PKIB: variants seen among roughly 807,000 people sequenced by gnomAD.
PKIB encodes cAMP-dependent protein kinase inhibitor beta.
In PKIB, 2 loss-of-function variants were observed where a neutral mutation model predicts 4.5. The ratio of observed to expected loss-of-function variants is 0.44; its 90% confidence interval spans 0.18 to 1.39. The LOEUF (loss-of-function observed/expected upper bound fraction) is 1.39. PKIB is among the 40% of genes most tolerant of loss of function. The pLI is 0.27. For missense variants in PKIB, 94 were observed against 92.6 expected (o/e 1.02, Z -0.06); for synonymous variants, 38 against 36.0 (o/e 1.06, Z -0.20).
chr6:122,520,416 C>T (rs1776896243), intron 2 of PKIB, among the ~76,000 whole-genome samples: 1 of 152,154 alleles, frequency 6.6e-6, no homozygotes. Context: ...AGGGATTTAA[C>T]ACAATAAATC....
At chr6:122,708,104 C>A (rs940292672) in intron 3 of PKIB, among the ~76,000 whole-genome samples, 2 of 152,086 alleles carry the variant, frequency 1.3e-5, no homozygotes, top group African/African-American at 2.4e-5. Flanking sequence ...TGGAGCTTAC[C>A]TTCTAGTGAA....
chr6:122,601,254 C>T (rs1454138337), intron 3 of PKIB, among the ~76,000 whole-genome samples: 1 of 151,586 alleles, frequency 6.6e-6, no homozygotes, highest in African/African-American at 2.4e-5. Flanking sequence ...AAGAAATGAG[C>T]GAAATGTTTC....
chr6:122,677,669 C>T (rs1378344824), intron 3 of PKIB, among the ~76,000 whole-genome samples: 1 of 152,160 alleles, frequency 6.6e-6, no homozygotes, highest in African/African-American at 2.4e-5. Flanking sequence ...GTTCAAACCC[C>T]TTATTTTGCA....
chr6:122,647,094 A>T (rs1357783256), intron 2 of PKIB, among the ~76,000 whole-genome samples: 7 of 152,124 alleles, frequency 4.6e-5, no homozygotes, highest in African/African-American at 1.4e-4. Context: ...ACATTAAGAA[A>T]CTTATTGTGA....
At chr6:122,526,365 G>T (rs181752166) in intron 2 of PKIB, among the ~76,000 whole-genome samples, 32 of 152,108 alleles carry the variant, frequency 2.1e-4, no homozygotes, top group Non-Finnish European at 1.5e-5. Flanking sequence ...AATTTACTTT[G>T]CCCAGATCCA....
At chr6:122,494,798 G>A (rs772526110) in intron 2 of PKIB, among the ~76,000 whole-genome samples, 2 of 152,146 alleles carry the variant, frequency 1.3e-5, no homozygotes, top group African/African-American at 2.4e-5. Context: ...TGGAGCCAGC[G>A]GAAGCCTCCT....
intron 2 of PKIB, among the ~76,000 whole-genome samples, chr6:122,575,604 A>T (rs924398074): frequency 1.3e-5 from 2 of 152,200 alleles, no homozygotes; most frequent in African/African-American, 2.4e-5. Context: ...GGAATGAAAT[A>T]ATGACTTTTG....
At chr6:122,481,944 C>T (rs1016703153) in intron 2 of PKIB, 8 of 150,388 alleles carry the variant, frequency 5.3e-5, no homozygotes, top group African/African-American at 9.8e-5. Context: ...CATCACAGAA[C>T]ACAGCAGCAA....
intron 2 of PKIB, among the ~76,000 whole-genome samples, chr6:122,541,414 A>G (rs1361824768): frequency 1.3e-5 from 2 of 151,546 alleles, no homozygotes; most frequent in Admixed American, 6.6e-5. Flanking sequence ...CTTGTCTGTA[A>G]AGTATTTTAT....
intron 1 of PKIB, among the ~76,000 whole-genome samples, chr6:122,616,116 C>T (rs1429858636): frequency 6.6e-6 from 1 of 151,934 alleles, no homozygotes; most frequent in Non-Finnish European, 1.5e-5. Flanking sequence ...GATGAGATCT[C>T]CTATGGGAAG....
chr6:122,701,138 A>C (rs538269397), intron 3 of PKIB: 3 of 247,852 alleles, frequency 1.2e-5, no homozygotes, highest in Non-Finnish European at 2.3e-5. Context: ...ATAGCAGCTC[A>C]GGAAGCAGCA....
At chr6:122,516,439 C>G (rs1400926382) in intron 2 of PKIB, among the ~76,000 whole-genome samples, 2 of 152,208 alleles carry the variant, frequency 1.3e-5, no homozygotes, top group East Asian at 1.9e-4. Context: ...TGCTCAGTCA[C>G]TTGTTCGAGT....
chr6:122,568,735 A>G (rs1773267375), intron 2 of PKIB, among the ~76,000 whole-genome samples: 1 of 152,200 alleles, frequency 6.6e-6, no homozygotes, highest in Non-Finnish European at 1.5e-5. Context: ...ACCAGAACCC[A>G]GGGTTGGAAG....
intron 2 of PKIB, among the ~76,000 whole-genome samples, chr6:122,491,622 C>A (rs1315851092): frequency 1.3e-5 from 2 of 152,202 alleles, no homozygotes; most frequent in African/African-American, 2.4e-5. Context: ...TGAAAGATGT[C>A]TGCAGATAGC....
In PKIB at chr6:122,497,406, C is replaced by G. The variant is rs79342417; in HGVS notation, c.-248+19467C>G. Reference sequence around the variant, plus strand: ...GCCATGAATGTAAATGGTATTCACACCCTACTTAGAAGGCAAAGAGCAGCA... The same window carrying G: ...GCCATGAATGTAAATGGTATTCACAGCCTACTTAGAAGGCAAAGAGCAGCA... On this transcript the variant is annotated intron_variant, in intron 2 of 6. Transcript: ENST00000392491. 4.0e-3 allele frequency among the ~76,000 whole-genome samples: 616 copies of G among 152,222 alleles called. 1 individual carries two copies. The highest frequency in any genetic ancestry group is 0.014 in the African/African-American group (579 of 41,532).
At chr6:122,664,902 TA>T (rs1329795703) in intron 2 of PKIB, among the ~76,000 whole-genome samples, 2 of 152,204 alleles carry the variant, frequency 1.3e-5, no homozygotes, top group Non-Finnish European at 2.9e-5. Context: ...TAAACCTTTG[TA>T]AAAAGAATAT....
At chr6:122,662,308 C>CCTTTTTTTTTTT (rs1491515725) in intron 2 of PKIB, among the ~76,000 whole-genome samples, 1 of 13,252 alleles carries the variant, frequency 7.5e-5, no homozygotes, top group Non-Finnish European at 1.5e-4. Flanking sequence ...TCCTTGTCTC[C>CCTTTTTTTTTTT]TTTTTTTTTT....
intron 3 of PKIB, among the ~76,000 whole-genome samples, chr6:122,699,891 C>T (rs9401574): frequency 0.48 from 73,021 of 151,900 alleles, 18,217 homozygotes; most frequent in Non-Finnish European, 0.56. Context: ...ATCTCTTTGT[C>T]CTCTATTTTA....
intron 2 of PKIB, among the ~76,000 whole-genome samples, chr6:122,581,475 C>T (rs1251914347): frequency 1.3e-5 from 2 of 152,030 alleles, no homozygotes; most frequent in Non-Finnish European, 2.9e-5. Flanking sequence ...ATTACTTGGT[C>T]AGAGAGCCTC....
Sources: gnomAD v4.1 joint callset for allele counts (sites outside exome capture counted in the v4.1 genomes callset) on GRCh38, gnomAD v4.1.1 for gene constraint, MANE v1.5 for transcripts, NCBI Gene and HGNC (gene_info 2026-07-23, HGNC 2026-07-21) for gene names.